The following UBR3 variants were observed in gnomAD, a reference collection of about 807,000 sequenced individuals.
The protein encoded by UBR3 is ubiquitin protein ligase E3 component n-recognin 3, also known as E3 ubiquitin-protein ligase UBR3.
In UBR3, 85 loss-of-function variants were observed where a neutral mutation model predicts 243.2. The observed-to-expected ratio is 0.35, with a 90% confidence interval of 0.29 to 0.42. UBR3 has a LOEUF of 0.42. UBR3 is among the 10% of genes least tolerant of loss of function. The pLI is 1.00. For missense variants in UBR3, 1,686 were observed against 2,300.8 expected, an observed-to-expected ratio of 0.73 and a Z score of 5.47; for synonymous variants, 748 against 799.8, an observed-to-expected ratio of 0.94 and a Z score of 1.09.
intron 33 of UBR3, among the ~76,000 whole-genome samples, chr2:170,060,078 G>A (rs1004261359): frequency 5.3e-5 from 8 of 152,102 alleles, no homozygotes; most frequent in African/African-American, 9.7e-5. Context: ...AACTATCAGT[G>A]CCTTAAAAGT....
intron 11 of UBR3, among the ~76,000 whole-genome samples, chr2:169,916,893 C>G (rs912699036): frequency 1.3e-5 from 2 of 151,894 alleles, no homozygotes; most frequent in Admixed American, 1.3e-4. Context: ...ACATCTCAAC[C>G]CCTCAATTAC....
At position 169,895,194 on chromosome 2, in the gene UBR3, G is replaced by A; in HGVS notation, c.1119G>A (p.Met373Ile). The change falls in exon 7 of 39, where the codon ATG (methionine) becomes ATA (isoleucine). Residue 373 changes from methionine (M) to isoleucine (I), a missense_variant. By Grantham distance (10) the Met-to-Ile change is conservative. Transcript: ENST00000272793. Reference protein sequence around the residue: ...LSSGTKDQSIMDVLKHKSFLE... With the variant: ...LSSGTKDQSIIDVLKHKSFLE... ...TTTCATGTGCAGATCAATCCATAATGGATGTTTTGAAGCATAAAAGCTTCC... is the reference window on the plus strand; with the variant it reads ...TTTCATGTGCAGATCAATCCATAATAGATGTTTTGAAGCATAAAAGCTTCC... 1 of 1,524,902 alleles carries A rather than the reference G, an allele frequency of 6.6e-7. No homozygotes were observed. Among genetic ancestry groups the A allele is most frequent in the Non-Finnish European group, 8.8e-7 (1 of 1,140,322 alleles). 94.5% of individuals were successfully genotyped at this position (1,524,902 alleles called of 1,614,324 possible).
intron 5 of UBR3, among the ~76,000 whole-genome samples, chr2:169,879,270 T>C (rs2083733043): frequency 2.0e-5 from 3 of 152,092 alleles, no homozygotes; most frequent in African/African-American, 4.8e-5. Flanking sequence ...CATATATATC[T>C]TTTTTCTTTT....
intron 1 of UBR3, among the ~76,000 whole-genome samples, chr2:169,858,864 TG>T (rs1472859913): frequency 6.6e-6 from 1 of 152,088 alleles, no homozygotes; most frequent in Non-Finnish European, 1.5e-5. Flanking sequence ...CCTTGCAAAT[TG>T]CTGGGATTAC....
intron 10 of UBR3, among the ~76,000 whole-genome samples, chr2:169,907,038 T>C (rs2085039661): frequency 9.4e-6 from 1 of 106,034 alleles, no homozygotes; most frequent in Non-Finnish European, 1.8e-5. Context: ...ATTTCTTTCT[T>C]TTTTTTTTTT....
At chr2:169,993,508 T>G (rs2089367069) in intron 25 of UBR3, among the ~76,000 whole-genome samples, 1 of 152,216 alleles carries the variant, frequency 6.6e-6, no homozygotes, top group Non-Finnish European at 1.5e-5. Context: ...AAGTTGGTTG[T>G]TCCATAGAAT....
At chr2:169,865,281 A>G (rs758479728) in intron 1 of UBR3, among the ~76,000 whole-genome samples, 6 of 152,112 alleles carry the variant, frequency 3.9e-5, no homozygotes, top group African/African-American at 7.2e-5. Flanking sequence ...AGTATTATCA[A>G]TTCTTTATTG....
chr2:169,906,090 T>C lies in UBR3; in HGVS notation c.1705T>C (p.Tyr569His). ...TGTGGAATTTGAGTCTCAGACCTAC[T>C]ATGCTGCCTTTGCTGCTGAACTTGA... ...EHVEFESQTY[Y>H]AAFAAELEAC... The change falls in exon 10 of 39, where the codon TAT becomes CAT. Residue 569 changes from tyrosine (Y) to histidine (H), a missense_variant. Tyr to His is a moderately conservative substitution (Grantham distance 83). Around this residue, in one of 8 missense-constraint regions of UBR3, gnomAD observed 346 missense variants for 585.8 expected, o/e 0.59. Coordinates refer to ENST00000272793, the MANE Select transcript of UBR3 (RefSeq NM_172070.4). The C allele has an allele frequency of 6.4e-7, 1 of 1,551,720 alleles. No homozygotes were observed. Among genetic ancestry groups the C allele is most frequent in the Non-Finnish European group, 8.7e-7 (1 of 1,146,956 alleles).
At chr2:170,044,220 T>C (rs1039703444) in intron 32 of UBR3, among the ~76,000 whole-genome samples, 3 of 152,200 alleles carry the variant, frequency 2.0e-5, no homozygotes, top group African/African-American at 7.2e-5. Context: ...TTTGTGTAAC[T>C]GTTTAAGTTA....
chr2:169,848,110 A>G (rs2082543075), intron 1 of UBR3, among the ~76,000 whole-genome samples: 1 of 152,186 alleles, frequency 6.6e-6, no homozygotes, highest in Non-Finnish European at 1.5e-5. Context: ...GCTCTGACAC[A>G]TATCATCACG....
In UBR3 at chr2:170,084,111, G is replaced by A. The variant is rs140171307; in HGVS notation, c.*2268G>A. The A allele has an allele frequency of 3.3e-4, 51 of 152,256 alleles. No individual in the cohort carries two copies. Among genetic ancestry groups the A allele is most frequent in the African/African-American group, 1.1e-3 (47 of 41,508 alleles). The allele number at this position is 152,256 out of a possible 1,614,324, so 9.4% of individuals were successfully genotyped here. On this transcript the variant is annotated 3_prime_UTR_variant, in exon 39 of 39. Transcript: ENST00000272793. ...GTTAATAAAAACCTGCTGTCATTTG[G>A]TTTGTGAAAGGTCCTTAAAATGTTT...
At chr2:169,965,762 ATTGT>A (rs1386788635) in intron 24 of UBR3, among the ~76,000 whole-genome samples, 2 of 152,130 alleles carry the variant, frequency 1.3e-5, no homozygotes, top group Non-Finnish European at 2.9e-5. Context: ...AAATTTTTGA[ATTGT>A]TTATTTCCGA....
intron 26 of UBR3, among the ~76,000 whole-genome samples, chr2:169,996,855 A>G (rs550169082): frequency 6.6e-6 from 1 of 151,444 alleles, no homozygotes; most frequent in African/African-American, 2.4e-5. Context: ...GCCCACCACC[A>G]TGTCCGGCTA....
chr2:169,874,293 C>T (rs1205001274), intron 2 of UBR3, among the ~76,000 whole-genome samples: 1 of 151,960 alleles, frequency 6.6e-6, no homozygotes, highest in African/African-American at 2.4e-5. Flanking sequence ...CTCAGCCTCC[C>T]AAACAGCTGG....
intron 28 of UBR3, 47 bp downstream of exon 28, chr2:170,007,237 A>G (rs1277318930): frequency 6.5e-7 from 1 of 1,528,400 alleles, no homozygotes. Flanking sequence ...CTCAGCTCTG[A>G]TTTTCTGCTT....
chr2:169,953,049 CTTGA>C (rs2087110609), intron 23 of UBR3, among the ~76,000 whole-genome samples: 1 of 151,936 alleles, frequency 6.6e-6, no homozygotes, highest in African/African-American at 2.4e-5. Flanking sequence ...ATCTGTTTTT[CTTGA>C]TTAAGGGAAT....
Position 169,962,327 on chromosome 2 carries a change from G to T in UBR3, c.3634+3801G>T, listed in dbSNP as rs150547188. 2.8e-3 allele frequency among the ~76,000 whole-genome samples: 430 copies of T among 151,056 alleles called. 1 individual carries two copies. Among genetic ancestry groups the T allele is most frequent in the African/African-American group, 9.9e-3 (406 of 41,070 alleles). ...GGCCTTAAAGCAATCCTTCTGCCTC[G>T]GCCTCCCAAAGTCCAGGATTACAGG... On this transcript the variant is annotated intron_variant, in intron 24 of 38. Coordinates refer to ENST00000272793, the MANE Select transcript of UBR3 (RefSeq NM_172070.4).
Position 169,899,503 on chromosome 2 carries a change from T to A in UBR3, c.1465+2768T>A, listed in dbSNP as rs926173844. 1.1e-4 allele frequency among the ~76,000 whole-genome samples: 16 copies of A among 152,300 alleles called. No homozygotes were observed. The East Asian group carries it at 1.2e-3, about 11-fold the overall frequency. On this transcript the variant is annotated intron_variant, in intron 8 of 38. Transcript: ENST00000272793. ...CTTTTCACAAAAATGGTGTTTTTTT[T>A]AAATTTTTTTACTTTTTAATTATAC...
In UBR3 at chr2:170,060,983, T is replaced by A. The variant is rs182006950; in HGVS notation, c.4786-96T>A. The stretch of plus-strand genomic sequence containing the variant: ...AAGCTCATATGCTTGAAAAATAATA[T>A]AATCACAGTTTTACTCTACTCATTA... On this transcript the variant is annotated intron_variant, in intron 33 of 38. Transcript: ENST00000272793. 52 of 808,554 alleles carry A rather than the reference T, an allele frequency of 6.4e-5. No individual in the cohort carries two copies. The East Asian group carries it at 1.6e-3, about 25-fold the overall frequency. The allele number at this position is 808,554 out of a possible 1,614,324, so 50.1% of individuals were successfully genotyped here. A position where few individuals can be genotyped will look rare whatever the true frequency, so the allele number is the denominator to read the frequency against.
Sources: gnomAD v4.1 joint callset for allele counts (sites outside exome capture counted in the v4.1 genomes callset) on GRCh38, gnomAD v4.1.1 for gene constraint, gnomAD v4.1.1 regional missense constraint, MANE v1.5 for transcripts, NCBI Gene and HGNC (gene_info 2026-07-23, HGNC 2026-07-21) for gene names.